C16orf96: variants seen among roughly 807,000 people sequenced by gnomAD.
C16orf96 encodes the protein chromosome 16 open reading frame 96.
C16orf96 carries 108 observed loss-of-function variants against 103.6 expected under a neutral mutation model. The observed-to-expected ratio is 1.04, with a 90% CI of 0.89 to 1.22. The LOEUF is 1.22. C16orf96 is among the 50% of genes most tolerant of loss of function. The probability of loss-of-function intolerance (pLI) is 0.00; values close to 1 mark genes in which losing one functional copy is unlikely to be tolerated. For missense variants in C16orf96, 1,586 were observed against 1,464.2 expected (o/e 1.08, Z -1.36); for synonymous variants, 566 against 593.5 (o/e 0.95, Z 0.67).
At chr16:4,573,267 C>T (rs185476957) in intron 2 of C16orf96, among the ~76,000 whole-genome samples, 4 of 151,872 alleles carry the variant, frequency 2.6e-5, no homozygotes, top group African/African-American at 4.8e-5. Context: ...GTAAAACCCC[C>T]GTCTCCACTA....
intron 5 of C16orf96, among the ~76,000 whole-genome samples, 191 bp from the exon 6 acceptor site, chr16:4,578,749 T>C (rs1254888454): frequency 6.6e-6 from 1 of 151,938 alleles, no homozygotes; most frequent in Non-Finnish European, 1.5e-5. Context: ...AGAGCGAGAT[T>C]CCATCTCAAA....
intron 1 of C16orf96, among the ~76,000 whole-genome samples, chr16:4,565,985 G>A (rs1295917332): frequency 1.3e-5 from 2 of 152,170 alleles, no homozygotes; most frequent in Non-Finnish European, 2.9e-5. Flanking sequence ...TGGGACTACA[G>A]GCGCTTGCCA....
intron 14 of C16orf96, among the ~76,000 whole-genome samples, chr16:4,595,328 G>C (rs1162912696): frequency 1.3e-5 from 2 of 152,176 alleles, no homozygotes; most frequent in Non-Finnish European, 2.9e-5. Flanking sequence ...TGGGGCAGTG[G>C]GGTGACAAGG....
At chr16:4,589,788 A>G (rs550074614) in intron 9 of C16orf96, among the ~76,000 whole-genome samples, 1 of 152,258 alleles carries the variant, frequency 6.6e-6, no homozygotes, top group East Asian at 1.9e-4. Context: ...ATCACACTCA[A>G]ATATTTATTA....
At chr16:4,542,574 A>T in the C16orf96 span, among the ~76,000 whole-genome samples, 2 of 152,186 alleles carry the variant, frequency 1.3e-5, no homozygotes, top group African/African-American at 4.8e-5. Flanking sequence ...AGGTGGGCAG[A>T]TCACCTGAGG....
At chr16:4,594,539 A>C in intron 13 of C16orf96, 29 bp downstream of exon 13, 1 of 1,547,396 alleles carries the variant, frequency 6.5e-7, no homozygotes, top group Non-Finnish European at 8.7e-7. Context: ...TCCTTCTCAG[A>C]GGGTGGACGT....
chr16:4,558,713 G>A (rs182017136), intron 1 of C16orf96, among the ~76,000 whole-genome samples: 7 of 152,126 alleles, frequency 4.6e-5, no homozygotes, highest in Admixed American at 1.3e-4. Context: ...TGAGGAGTTC[G>A]AGACAATCCT....
At chr16:4,591,491 A>C (rs1257307919) in intron 9 of C16orf96, among the ~76,000 whole-genome samples, 175 bp from the exon 10 acceptor site, 1 of 152,108 alleles carries the variant, frequency 6.6e-6, no homozygotes, top group Non-Finnish European at 1.5e-5. Flanking sequence ...AGCATCTAGT[A>C]GGGGTTGAGC....
Position 4,580,090 on chromosome 16 carries a change from G to A in C16orf96, c.2317G>A (p.Val773Met), listed in dbSNP as rs1312248447. ...KDRYITLDKAVENLQIRMDEF... is the reference protein window; with the variant it reads ...KDRYITLDKAMENLQIRMDEF... ...TCGCTACATCACTTTGGACAAGGCG[G>A]TGGAGAACCTGCAGATTCGCATGGA... Residue 773 changes from valine to methionine, a missense_variant, in exon 7 of 16, where the codon GTG becomes ATG. Physicochemically the swap from Val to Met is conservative, Grantham distance 21. Transcript: ENST00000444310. 7.8e-6 allele frequency: 12 copies of A among 1,543,884 alleles called. No individual in the cohort carries two copies. Among genetic ancestry groups the A allele is most frequent in the Admixed American group, 2.0e-5 (1 of 50,102 alleles).
rs1401658692 is a variant in C16orf96, at chr16:4,576,164, C to T, written c.1684C>T (p.His562Tyr). 1 of 1,551,144 alleles carries T rather than the reference C, an allele frequency of 6.4e-7. No homozygotes were observed. The highest frequency in any genetic ancestry group is 8.7e-7 in the Non-Finnish European group (1 of 1,146,984). Residue 562 changes from histidine (H) to tyrosine (Y), a missense_variant, in exon 5 of 16, where the codon CAC (histidine) becomes TAC (tyrosine). His to Tyr is a moderately conservative substitution (Grantham distance 83). Coordinates refer to ENST00000444310, the MANE Select transcript of C16orf96 (RefSeq NM_001145011.2). ...AQPKAPQSAL[H>Y]RLKTTAAIAA... is the part of the protein sequence containing the mutation. ...GCCTAAGGCTCCCCAGTCTGCCCTT[C>T]ACCGGCTGAAAACCACCGCTGCCAT...
At chr16:4,583,686 G>C (rs995504021) in intron 7 of C16orf96, among the ~76,000 whole-genome samples, 72 of 152,238 alleles carry the variant, frequency 4.7e-4, no homozygotes, top group African/African-American at 1.7e-3. Context: ...ACTTTGGGAG[G>C]CCGACATGGG....
chr16:4,594,257 G>A (rs1014496774), intron 12 of C16orf96, 94 bp from the exon 13 acceptor site: 1 of 1,392,360 alleles, frequency 7.2e-7, no homozygotes. Flanking sequence ...AGAAATGCTG[G>A]TCTTCCCTCG....
Position 4,556,602 on chromosome 16 carries a change from A to C in C16orf96, c.113A>C (p.His38Pro). Residue 38 changes from histidine (H) to proline (P), a missense_variant, in exon 1 of 16, where the codon CAC becomes CCC. Physicochemically the swap from His to Pro is moderately conservative, Grantham distance 77. Coordinates refer to ENST00000444310, the MANE Select transcript of C16orf96 (RefSeq NM_001145011.2). ...LLLHGILEHI[H>P]MAELKKVLSG... ...CTGCACGGCATCTTGGAGCACATCC[A>C]CATGGCCGAGCTCAAGAAAGTCCTC... 1 of 1,551,750 alleles carries C rather than the reference A, an allele frequency of 6.4e-7. No individual in the cohort carries two copies. Among genetic ancestry groups the C allele is most frequent in the Non-Finnish European group, 8.7e-7 (1 of 1,147,020 alleles).
rs1183521995 is a variant in C16orf96, at chr16:4,580,031, G to T, written c.2258G>T (p.Arg753Ile). The change falls in exon 7 of 16, where the codon AGA (arginine) becomes ATA (isoleucine). Residue 753 changes from arginine (R) to isoleucine (I), a missense_variant. Coordinates refer to ENST00000444310, the MANE Select transcript of C16orf96 (RefSeq NM_001145011.2). ...CCCTTTTAGGAGGAAGAACTTGAGA[G>T]AATTTGGGGCAACCAAATAGAGATG... ...KSRLKEEELE[R>I]IWGNQIEMMK... is the part of the protein sequence containing the mutation. The T allele has an allele frequency of 3.9e-6, 6 of 1,551,158 alleles. No individual in the cohort carries two copies. The highest frequency in any genetic ancestry group is 4.4e-6 in the Non-Finnish European group (5 of 1,146,798).
chr16:4,562,978 C>A, intron 1 of C16orf96: 1 of 1,231,752 alleles, frequency 8.1e-7, no homozygotes, highest in Non-Finnish European at 1.2e-6. Context: ...TCTTGAACGC[C>A]AACGTACCTC....
In C16orf96 at chr16:4,576,045, G is replaced by A; in HGVS notation, c.1565G>A (p.Arg522Lys). 6.4e-7 allele frequency: 1 copy of A among 1,551,330 alleles called. No individual in the cohort carries two copies. The highest frequency in any genetic ancestry group is 8.7e-7 in the Non-Finnish European group (1 of 1,146,880). The change falls in exon 5 of 16, where the codon AGA becomes AAA. Residue 522 changes from arginine to lysine, a missense_variant. Coordinates refer to ENST00000444310, the MANE Select transcript of C16orf96 (RefSeq NM_001145011.2). ...RGGKDVDPKDRAHKDDVPKDR... is the reference protein window; with the variant it reads ...RGGKDVDPKDKAHKDDVPKDR... ...GGCAAGGATGTGGACCCCAAGGATA[G>A]AGCTCACAAGGATGATGTCCCCAAA...
intron 1 of C16orf96, chr16:4,563,194 C>T (rs981513132): frequency 2.4e-5 from 16 of 654,986 alleles, no homozygotes; most frequent in Admixed American, 2.2e-4. Flanking sequence ...CTTTAGGCAT[C>T]GCTTCGCTCG....
intron 7 of C16orf96, among the ~76,000 whole-genome samples, chr16:4,580,668 G>A (rs2059574005): frequency 6.6e-6 from 1 of 151,988 alleles, no homozygotes; most frequent in African/African-American, 2.4e-5. Flanking sequence ...GTAACACAGG[G>A]AGACCCCATC....
chr16:4,539,404 C>A, the C16orf96 span, among the ~76,000 whole-genome samples: 1 of 152,198 alleles, frequency 6.6e-6, no homozygotes, highest in East Asian at 1.9e-4. Flanking sequence ...TAGTTTAGGG[C>A]CCAGCTCAGT....
Sources: allele counts gnomAD v4.1 joint callset (sites outside exome capture counted in the v4.1 genomes callset), GRCh38; gene constraint gnomAD v4.1.1; transcripts MANE v1.5; gene names NCBI Gene and HGNC (gene_info 2026-07-23, HGNC 2026-07-21).